The following PRKG1 variants were observed in gnomAD, a reference collection of about 807,000 sequenced individuals.
PRKG1 encodes the protein cGMP-dependent protein kinase 1.
Under a neutral mutation model 88.1 loss-of-function variants are expected in PRKG1, and 35 were observed. That is an observed-to-expected ratio of 0.40 (90% CI 0.30 to 0.53). PRKG1 has a LOEUF of 0.53. Ranked by LOEUF, PRKG1 falls within the 20% of genes least tolerant of loss-of-function variation. PRKG1 has a pLI of 0.59. For synonymous variants in PRKG1, 303 were observed against 292.5 expected (o/e 1.04, Z -0.37); for missense variants, 540 against 839.8 (o/e 0.64, Z 4.41).
chr10:52,025,788 C>A (rs1160497728), intron 5 of PRKG1, among the ~76,000 whole-genome samples: 1 of 151,256 alleles, frequency 6.6e-6, no homozygotes, highest in Non-Finnish European at 1.5e-5. Flanking sequence ...ATTGTATTGG[C>A]AATGCGGGCT....
intron 5 of PRKG1, among the ~76,000 whole-genome samples, chr10:52,022,177 C>T (rs7893327): frequency 0.6 from 91,771 of 151,970 alleles, 27,833 homozygotes; most frequent in Middle Eastern, 0.64. Flanking sequence ...ATTTGTCCAA[C>T]TGCAAGCTAA....
intron 3 of PRKG1, chr10:51,699,317 T>C (rs376475408): frequency 1.0e-4 from 167 of 1,614,018 alleles, no homozygotes; most frequent in Middle Eastern, 1.6e-4. Flanking sequence ...CTCCCGCCCA[T>C]TGAGGTTCCG....
At chr10:51,481,932 A>G (rs993843380) in intron 3 of PRKG1, among the ~76,000 whole-genome samples, 1 of 152,186 alleles carries the variant, frequency 6.6e-6, no homozygotes, top group Non-Finnish European at 1.5e-5. Context: ...AGGGGGTTAT[A>G]TATCACCATG....
chr10:51,691,706 G>T (rs1841149220), intron 3 of PRKG1, among the ~76,000 whole-genome samples: 1 of 152,142 alleles, frequency 6.6e-6, no homozygotes, highest in Admixed American at 6.5e-5. Flanking sequence ...GTAAAAGCAG[G>T]AGTTGTAAGC....
intron 3 of PRKG1, among the ~76,000 whole-genome samples, chr10:51,470,874 A>T (rs1466567941): frequency 1.3e-5 from 2 of 151,948 alleles, no homozygotes; most frequent in East Asian, 1.9e-4. Flanking sequence ...TCTGGGAAAA[A>T]ATAAATTGGC....
At chr10:52,252,690 T>A (rs1426998342) in intron 10 of PRKG1, 4 of 152,094 alleles carry the variant, frequency 2.6e-5, no homozygotes, top group Non-Finnish European at 5.9e-5. Context: ...GTTATTTACT[T>A]AAATATTAGA....
chr10:51,140,588 CA>C (rs1483108964), intron 1 of PRKG1, among the ~76,000 whole-genome samples: 1 of 152,128 alleles, frequency 6.6e-6, no homozygotes, highest in Non-Finnish European at 1.5e-5. Flanking sequence ...GGTGAGATAA[CA>C]TGTGCAAAAA....
chr10:52,162,903 G>A (rs1838314834), intron 9 of PRKG1, among the ~76,000 whole-genome samples: 1 of 152,090 alleles, frequency 6.6e-6, no homozygotes, highest in African/African-American at 2.4e-5. Flanking sequence ...GCTAAGGTTT[G>A]CTTAGGAAGT....
intron 7 of PRKG1, among the ~76,000 whole-genome samples, chr10:52,124,169 T>C (rs923228772): frequency 1.3e-5 from 2 of 152,092 alleles, no homozygotes; most frequent in African/African-American, 4.8e-5. Flanking sequence ...TAGAATGGTG[T>C]GCAATTTAAA....
intron 3 of PRKG1, among the ~76,000 whole-genome samples, chr10:51,652,383 T>C (rs1840060186): frequency 6.6e-6 from 1 of 151,926 alleles, no homozygotes; most frequent in Admixed American, 6.6e-5. Flanking sequence ...GGCTTGTAAT[T>C]GGAAATTCAA....
chr10:51,310,663 T>A (rs1841161003), intron 2 of PRKG1, among the ~76,000 whole-genome samples: 1 of 152,202 alleles, frequency 6.6e-6, no homozygotes, highest in African/African-American at 2.4e-5. Flanking sequence ...AGTGTTTATT[T>A]TCTGTATACT....
chr10:52,197,289 T>A (rs1452858905), intron 9 of PRKG1, among the ~76,000 whole-genome samples: 1 of 152,178 alleles, frequency 6.6e-6, no homozygotes, highest in African/African-American at 2.4e-5. Flanking sequence ...AGAAATGAGC[T>A]CATGTTGGAC....
chr10:51,211,142 G>A (rs2132073171), intron 2 of PRKG1, among the ~76,000 whole-genome samples: 1 of 152,292 alleles, frequency 6.6e-6, no homozygotes, highest in African/African-American at 2.4e-5. Flanking sequence ...TCATCCCTGG[G>A]ATGCAAGGCT....
intron 3 of PRKG1, chr10:51,698,825 A>C: frequency 6.2e-7 from 1 of 1,614,160 alleles, no homozygotes; most frequent in African/African-American, 1.3e-5. Context: ...TCTTCTAGCC[A>C]AATGCTGAGG....
intron 1 of PRKG1, among the ~76,000 whole-genome samples, chr10:51,007,806 G>A (rs1842956262): frequency 6.6e-6 from 1 of 152,214 alleles, no homozygotes. Context: ...AATTTTAGTT[G>A]AGATATAATG....
At chr10:51,482,321 G>A (rs550028296) in intron 3 of PRKG1, among the ~76,000 whole-genome samples, 5 of 152,126 alleles carry the variant, frequency 3.3e-5, no homozygotes, top group Non-Finnish European at 7.3e-5. Context: ...CTGATATGCA[G>A]TATTAAATAG....
chr10:51,897,880 A>C (rs1218321890), intron 4 of PRKG1, among the ~76,000 whole-genome samples: 3 of 148,668 alleles, frequency 2.0e-5, no homozygotes, highest in African/African-American at 7.7e-5. Context: ...TTTTTTTTTC[A>C]TGTGTAAATA....
intron 5 of PRKG1, among the ~76,000 whole-genome samples, chr10:52,051,118 G>A (rs536457919): frequency 5.3e-5 from 8 of 152,122 alleles, no homozygotes; most frequent in South Asian, 2.1e-4. Flanking sequence ...CCTTACTTTC[G>A]CTCATTTTAA....
chr10:51,003,525 C>T (rs10995322), intron 1 of PRKG1, among the ~76,000 whole-genome samples: 38,040 of 152,096 alleles, frequency 0.25, 4,736 homozygotes, highest in South Asian at 0.33. Flanking sequence ...GTTAAAAGTC[C>T]GGACATGCTT....
Sources: allele counts gnomAD v4.1 joint callset (sites outside exome capture counted in the v4.1 genomes callset), GRCh38; gene constraint gnomAD v4.1.1; transcripts MANE v1.5; gene names NCBI Gene and HGNC (gene_info 2026-07-23, HGNC 2026-07-21).